BMPR1A: variants seen among roughly 807,000 people sequenced by gnomAD.
BMPR1A encodes bone morphogenetic protein receptor type 1A.
BMPR1A carries 7 observed loss-of-function variants against 66.0 expected under a neutral mutation model. The observed-to-expected ratio is 0.11, with a 90% CI of 0.06 to 0.20. BMPR1A has a LOEUF of 0.20. BMPR1A is among the 10% of genes least tolerant of loss of function. The pLI is 1.00. For synonymous variants in BMPR1A, 200 were observed against 229.7 expected, an observed-to-expected ratio of 0.87 and a Z score of 1.17; for missense variants, 408 against 669.1, an observed-to-expected ratio of 0.61 and a Z score of 4.31.
chr10:86,914,168 G>A (rs1450306618), intron 8 of BMPR1A, among the ~76,000 whole-genome samples: 1 of 151,000 alleles, frequency 6.6e-6, no homozygotes. Context: ...GAAAAAGGCA[G>A]TCCATTTAAC....
intron 2 of BMPR1A, among the ~76,000 whole-genome samples, chr10:86,851,722 A>T (rs922362354): frequency 6.6e-6 from 1 of 152,174 alleles, no homozygotes; most frequent in African/African-American, 2.4e-5. Context: ...AGAGTAATGG[A>T]AGCCTGGAAG....
At chr10:86,835,417 G>A (rs1589738705) in intron 1 of BMPR1A, among the ~76,000 whole-genome samples, 1 of 150,756 alleles carries the variant, frequency 6.6e-6, no homozygotes, top group African/African-American at 2.4e-5. Flanking sequence ...ACAAAAATTA[G>A]CTGGGCATGG....
intron 1 of BMPR1A, among the ~76,000 whole-genome samples, chr10:86,759,404 T>TTTTG (rs566069332): frequency 6.6e-6 from 1 of 152,216 alleles, no homozygotes; most frequent in Non-Finnish European, 1.5e-5. Context: ...AATCACGTTT[T>TTTTG]TTTGTTTGTT....
intron 1 of BMPR1A, among the ~76,000 whole-genome samples, chr10:86,835,549 CAAAAAAAAAAAAAAAAAAAAA>C (rs55804247): frequency 0.026 from 1,134 of 44,360 alleles, 15 homozygotes; most frequent in Non-Finnish European, 0.035. Context: ...GACTCTGTAT[CAAAAAAAAAAAAAAAAAAAAA>C]AAAAAAAAAA....
chr10:86,845,357 C>T (rs566975785), intron 2 of BMPR1A, among the ~76,000 whole-genome samples: 18 of 152,060 alleles, frequency 1.2e-4, no homozygotes, highest in Non-Finnish European at 2.1e-4. Flanking sequence ...GGACAGGGAG[C>T]CTGAGACATG....
intron 1 of BMPR1A, among the ~76,000 whole-genome samples, chr10:86,790,185 AAAAATATATATATATATAT>A (rs1841587580): frequency 2.9e-4 from 10 of 33,998 alleles, no homozygotes; most frequent in East Asian, 1.4e-3. Context: ...AAAAAAAAAA[AAAAATATATATATATATAT>A]ATATATATAT....
intron 8 of BMPR1A, among the ~76,000 whole-genome samples, chr10:86,913,851 A>G (rs962333724): frequency 6.6e-6 from 1 of 152,150 alleles, no homozygotes; most frequent in African/African-American, 2.4e-5. Context: ...TTGGTGTGTA[A>G]TTTCATTCGA....
At chr10:86,823,325 C>G (rs1331464517) in intron 1 of BMPR1A, among the ~76,000 whole-genome samples, 1 of 152,184 alleles carries the variant, frequency 6.6e-6, no homozygotes, top group African/African-American at 2.4e-5. Context: ...TACTGTCTGC[C>G]TGGCACTGTT....
chr10:86,841,105 C>T (rs2133123890), intron 2 of BMPR1A, among the ~76,000 whole-genome samples: 1 of 152,286 alleles, frequency 6.6e-6, no homozygotes, highest in South Asian at 2.1e-4. Context: ...GTAGCTTTGC[C>T]TTCATCTGTC....
At chr10:86,820,235 G>T (rs1294786000) in intron 1 of BMPR1A, among the ~76,000 whole-genome samples, 1 of 152,020 alleles carries the variant, frequency 6.6e-6, no homozygotes, top group Non-Finnish European at 1.5e-5. Context: ...TAGAGATGGG[G>T]TTTTGCCACG....
Position 86,890,076 on chromosome 10 carries a change from A to G in BMPR1A, c.82A>G (p.Ser28Gly), listed in dbSNP as rs1170582171. ...TTTGAATGCAGGACAGAATCTGGAT[A>G]GTATGCTTCATGGCACTGGGATGAA... is the stretch of plus-strand genomic sequence containing the variant. ...ISRVQGQNLD[S>G]MLHGTGMKSD... is the part of the protein sequence containing the mutation. Residue 28 changes from serine to glycine, a missense_variant, in exon 4 of 13, where the codon AGT becomes GGT. Ser to Gly is a moderately conservative substitution (Grantham distance 56). Around this residue, in one of 5 missense-constraint regions of BMPR1A, gnomAD observed 68 missense variants for 83.0 expected, o/e 0.82. Transcript: ENST00000372037. 2 of 1,613,148 alleles carry G rather than the reference A, an allele frequency of 1.2e-6. No individual in the cohort carries two copies. Among genetic ancestry groups the G allele is most frequent in the Admixed American group, 3.3e-5 (2 of 60,022 alleles).
chr10:86,923,271 G>A lies in BMPR1A; in HGVS notation c.1343-105G>A, dbSNP rs574719383. The stretch of plus-strand genomic sequence containing the variant: ...TCATAGTGTCTATATTTTTTCTTGT[G>A]TAAGAATCCGTTTTAGTTCCATAGT... On this transcript the variant is annotated intron_variant, in intron 11 of 12. Coordinates refer to ENST00000372037, the MANE Select transcript of BMPR1A (RefSeq NM_004329.3). 2.5e-4 allele frequency: 369 copies of A among 1,484,508 alleles called. 1 individual carries two copies. Among genetic ancestry groups the A allele is most frequent in the Non-Finnish European group, 3.3e-4 (351 of 1,072,470 alleles). The allele number at this position is 1,484,508 out of a possible 1,614,324, so 92.0% of individuals were successfully genotyped here.
At chr10:86,859,767 G>GC (rs1406658372) in intron 2 of BMPR1A, among the ~76,000 whole-genome samples, 1 of 151,990 alleles carries the variant, frequency 6.6e-6, no homozygotes, top group African/African-American at 2.4e-5. Context: ...CCAAGATTGC[G>GC]CCACTGCACT....
At chr10:86,866,411 T>TTTTC (rs1842788053) in intron 2 of BMPR1A, among the ~76,000 whole-genome samples, 1 of 49,036 alleles carries the variant, frequency 2.0e-5, no homozygotes, top group African/African-American at 1.8e-4. Flanking sequence ...TTTTTTTTTT[T>TTTTC]TTTTTTTTTT....
chr10:86,867,120 G>GT (rs1564707866), intron 2 of BMPR1A, among the ~76,000 whole-genome samples: 1 of 152,020 alleles, frequency 6.6e-6, no homozygotes, highest in South Asian at 2.1e-4. Context: ...ACATTAAACT[G>GT]TTTTTTTCTC....
chr10:86,879,264 A>G (rs953978445), intron 3 of BMPR1A, among the ~76,000 whole-genome samples: 3 of 152,150 alleles, frequency 2.0e-5, no homozygotes, highest in African/African-American at 7.2e-5. Flanking sequence ...GAAGAGGGAA[A>G]TCTGTTTGTG....
intron 1 of BMPR1A, among the ~76,000 whole-genome samples, chr10:86,797,255 G>A (rs1378293490): frequency 3.9e-5 from 3 of 76,982 alleles, no homozygotes; most frequent in African/African-American, 1.1e-4. Context: ...TTTTGAGACG[G>A]AGTCTTGCTC....
chr10:86,781,631 C>G (rs1193867201), intron 1 of BMPR1A, among the ~76,000 whole-genome samples: 1 of 152,064 alleles, frequency 6.6e-6, no homozygotes, highest in East Asian at 1.9e-4. Context: ...ACTTTCTCAT[C>G]TTGCCTGACT....
chr10:86,819,579 G>C (rs1027928577), intron 1 of BMPR1A, among the ~76,000 whole-genome samples: 1 of 152,192 alleles, frequency 6.6e-6, no homozygotes, highest in Non-Finnish European at 1.5e-5. Flanking sequence ...GATTACAGGC[G>C]TGAGCCACCG....
Sources: allele counts gnomAD v4.1 joint callset (sites outside exome capture counted in the v4.1 genomes callset), GRCh38; gene constraint gnomAD v4.1.1; regional missense constraint gnomAD v4.1.1; transcripts MANE v1.5; gene names NCBI Gene and HGNC (gene_info 2026-07-23, HGNC 2026-07-21).